The following PHGDH variants were observed in gnomAD, a reference collection of about 807,000 sequenced individuals.
PHGDH encodes the protein phosphoglycerate dehydrogenase, also known as D-3-phosphoglycerate dehydrogenase.
In PHGDH, 50 loss-of-function variants were observed where a neutral mutation model predicts 52.6. The ratio of observed to expected loss-of-function variants is 0.95; its 90% confidence interval spans 0.76 to 1.20. The LOEUF is 1.20. Among genes scored for constraint, PHGDH ranks in the 50% most tolerant of loss-of-function variants. The pLI, the probability that PHGDH is intolerant of heterozygous loss-of-function variation, is 0.00. For synonymous variants in PHGDH, 271 were observed against 280.5 expected (o/e 0.97, Z 0.34); for missense variants, 630 against 684.6 (o/e 0.92, Z 0.89).
At chr1:119,735,639 C>T (rs994884018) in intron 7 of PHGDH, among the ~76,000 whole-genome samples, 196 bp downstream of exon 7, 6 of 152,208 alleles carry the variant, frequency 3.9e-5, no homozygotes, top group African/African-American at 7.2e-5. Context: ...GGTATGGAGG[C>T]AGCTATGTGG....
intron 10 of PHGDH, chr1:119,742,302 G>A (rs1055201575): frequency 8.4e-6 from 3 of 358,582 alleles, no homozygotes; most frequent in Non-Finnish European, 1.1e-5. Context: ...TGCCTTGCAC[G>A]GCTTCCCGTT....
At chr1:119,738,823 G>A (rs1652060018) in intron 8 of PHGDH, among the ~76,000 whole-genome samples, 1 of 152,050 alleles carries the variant, frequency 6.6e-6, no homozygotes, top group Non-Finnish European at 1.5e-5. Context: ...GGAGGAGGGG[G>A]TGAGAGGTGT....
rs1359899920 is a variant in PHGDH at position 119,735,235 on chromosome 1, A to C, written c.644-60A>C. On this transcript the variant is annotated intron_variant, in intron 6 of 11. Transcript: ENST00000641023. ...AGGAAAGGGAAGACCTCTGGAAGCCAGGGATGAGCGTGGGGATCCTGGTGC... is the reference window on the plus strand; with the variant it reads ...AGGAAAGGGAAGACCTCTGGAAGCCCGGGATGAGCGTGGGGATCCTGGTGC... 2.5e-6 allele frequency: 4 copies of C among 1,610,230 alleles called. No individual in the cohort carries two copies. In the South Asian group the frequency reaches 4.4e-5, roughly 18 times the overall value.
Position 119,742,912 on chromosome 1 carries a change from C to T in PHGDH, c.1315C>T (p.Gln439Ter). The change falls in exon 11 of 12, where the codon CAA becomes TAA. Residue 439 changes from glutamine (Q) to a stop codon, truncating the protein, a stop_gained. Coordinates refer to ENST00000641023, the MANE Select transcript of PHGDH (RefSeq NM_006623.4). LOFTEE classifies it high-confidence loss of function. ...GAPYQAVGLV[Q>*]GTTPVLQGLN... ...CCCTTACCAGGCTGTGGGCTTGGTC[C>T]AAGGCACTACGCCTGTACTGCAGGG... 6.2e-7 allele frequency: 1 copy of T among 1,613,810 alleles called. No homozygotes were observed. Among genetic ancestry groups the T allele is most frequent in the South Asian group, 1.1e-5 (1 of 91,074 alleles).
At chr1:119,731,163 G>A (rs1651673072) in intron 5 of PHGDH, among the ~76,000 whole-genome samples, 1 of 152,200 alleles carries the variant, frequency 6.6e-6, no homozygotes, top group Non-Finnish European at 1.5e-5. Context: ...AAGGTAACCT[G>A]ACATTTGGCA....
Position 119,742,922 on chromosome 1 carries a change from C to T in PHGDH, c.1325C>T (p.Thr442Met), listed in dbSNP as rs868576068. Reference sequence around the variant, plus strand: ...GCTGTGGGCTTGGTCCAAGGCACTACGCCTGTACTGCAGGGGCTCAATGGA... The same window carrying T: ...GCTGTGGGCTTGGTCCAAGGCACTATGCCTGTACTGCAGGGGCTCAATGGA... Reference protein sequence around the residue: ...YQAVGLVQGTTPVLQGLNGAV... With the variant: ...YQAVGLVQGTMPVLQGLNGAV... Residue 442 changes from threonine to methionine, a missense_variant, in exon 11 of 12, where the codon ACG (threonine) becomes ATG (methionine). By Grantham distance (81) the Thr-to-Met change is moderately conservative. Transcript: ENST00000641023. The T allele has an allele frequency of 5.0e-6, 8 of 1,613,762 alleles. No individual in the cohort carries two copies. The highest frequency in any genetic ancestry group is 1.3e-5 in the African/African-American group (1 of 75,060).
chr1:119,743,682 A>G (rs1652314233), intron 11 of PHGDH, among the ~76,000 whole-genome samples: 1 of 152,220 alleles, frequency 6.6e-6, no homozygotes, highest in Non-Finnish European at 1.5e-5. Flanking sequence ...GCTGATGGTC[A>G]TGGTGTTCCC....
chr1:119,730,191 A>T (rs912913616), intron 5 of PHGDH: 1 of 152,190 alleles, frequency 6.6e-6, no homozygotes, highest in Non-Finnish European at 1.5e-5. Flanking sequence ...ATTCTTGAAC[A>T]TATTGTGAAA....
chr1:119,735,181 GAGAGAGGCTCTGGGAA>G, intron 6 of PHGDH, 98 bp from the exon 7 acceptor site: 3 of 1,386,928 alleles, frequency 2.2e-6, no homozygotes, highest in Non-Finnish European at 3.1e-6. Flanking sequence ...CGTCCAGCAG[GAGAGAGGCTCTGGGAA>G]AGAGCTGGCT....
At chr1:119,712,668 G>C (rs1459184471) in intron 1 of PHGDH, 2 of 188,920 alleles carry the variant, frequency 1.1e-5, no homozygotes, top group African/African-American at 4.8e-5. Context: ...CTGCCTTGGC[G>C]GTGGCGGGGT....
rs190359468 is a variant in PHGDH, at chr1:119,723,201, T to G, written c.291-175T>G. The stretch of plus-strand genomic sequence containing the variant: ...AACATAAAGCCAGGGGAAGGGGGTT[T>G]CTTTCCAGCCCTTGGCTTAGGGCGA... On this transcript the variant is annotated intron_variant, in intron 2 of 11. Coordinates refer to ENST00000641023, the MANE Select transcript of PHGDH (RefSeq NM_006623.4). 4.6e-5 allele frequency among the ~76,000 whole-genome samples: 7 copies of G among 152,288 alleles called. No homozygotes were observed. In the East Asian group the frequency reaches 1.4e-3, roughly 29 times the overall value.
chr1:119,740,131 C>T, intron 8 of PHGDH: 1 of 503,336 alleles, frequency 2.0e-6, no homozygotes, highest in Non-Finnish European at 3.6e-6. Context: ...GGGGCAGACA[C>T]AGTTTGCTGA....
rs745693493 is a variant in PHGDH at position 119,712,142 on chromosome 1, G to T, written c.120G>T (p.Glu40Asp). 7 of 1,614,132 alleles carry T rather than the reference G, an allele frequency of 4.3e-6. No individual in the cohort carries two copies. In the South Asian group the frequency reaches 7.7e-5, roughly 18 times the overall value. ...AAAAGCAGAACCTTAGCAAAGAGGA[G>T]CTGATAGCGGAGCTGCAGGTAAGGC... ...VVEKQNLSKE[E>D]LIAELQDCEG... is the part of the protein sequence containing the mutation. Residue 40 changes from glutamate (E) to aspartate (D), a missense_variant, in exon 1 of 12, where the codon GAG becomes GAT. Transcript: ENST00000641023.
Position 119,734,718 on chromosome 1 carries a change from C to G in PHGDH, c.595C>G (p.Leu199Val), listed in dbSNP as rs77632964. Residue 199 changes from leucine to valine, a missense_variant, in exon 6 of 12, where the codon CTC (leucine) becomes GTC (valine). By Grantham distance (32) the Leu-to-Val change is conservative. Transcript: ENST00000641023. ...GCTGCCCCTGGAGGAGATCTGGCCT[C>G]TCTGTGATTTCATCACTGTGCACAC... ...QQLPLEEIWP[L>V]CDFITVHTPL... 1,763 of 1,614,162 alleles carry G rather than the reference C, an allele frequency of 1.1e-3. 22 individuals carry two copies. In the African/African-American group the frequency reaches 0.021, roughly 20 times the overall value.
Position 119,742,794 on chromosome 1 carries a change from C to T in PHGDH, c.1210-13C>T. On this transcript the variant is annotated splice_polypyrimidine_tract_variant and intron_variant, in intron 10 of 11. Coordinates refer to ENST00000641023, the MANE Select transcript of PHGDH (RefSeq NM_006623.4). ...CCAGGAGGTGTAACAGTCACCTTGCCTTCTCCACACAGGTCACCACCTCCC... is the reference window on the plus strand; with the variant it reads ...CCAGGAGGTGTAACAGTCACCTTGCTTTCTCCACACAGGTCACCACCTCCC... The T allele has an allele frequency of 6.4e-7, 1 of 1,550,606 alleles. No individual in the cohort carries two copies. The highest frequency in any genetic ancestry group is 1.8e-5 in the Admixed American group (1 of 56,902).
intron 10 of PHGDH, chr1:119,742,449 G>T (rs1047978722): frequency 2.2e-6 from 1 of 453,604 alleles, no homozygotes; most frequent in Non-Finnish European, 4.1e-6. Flanking sequence ...ACTCCTGCAT[G>T]CCAGTCATGC....
chr1:119,723,778 C>T (rs1360438073), intron 3 of PHGDH, among the ~76,000 whole-genome samples: 1 of 151,686 alleles, frequency 6.6e-6, no homozygotes, highest in East Asian at 2.0e-4. Flanking sequence ...TTCCAGGCAG[C>T]AGGGTATGGA....
At position 119,740,521 on chromosome 1, in the gene PHGDH, G is replaced by A. The variant is rs755057495; in HGVS notation, c.1078+3G>A. On this transcript the variant is annotated splice_donor_region_variant and intron_variant, in intron 9 of 11. Coordinates refer to ENST00000641023, the MANE Select transcript of PHGDH (RefSeq NM_006623.4). ...GACCATCCAGGTGATAACACAGGGT[G>A]AGCTGGGGACCTTGCAGAGGGAGGG... 3.4e-5 allele frequency: 54 copies of A among 1,565,542 alleles called. No individual in the cohort carries two copies. The highest frequency in any genetic ancestry group is 4.5e-5 in the Non-Finnish European group (52 of 1,154,218).
intron 5 of PHGDH, among the ~76,000 whole-genome samples, chr1:119,729,175 G>A (rs1182377096): frequency 6.6e-6 from 1 of 152,174 alleles, no homozygotes; most frequent in Admixed American, 6.5e-5. Context: ...ACTCCTGAGA[G>A]AGGCAGATGT....
Sources: gnomAD v4.1 joint callset for allele counts (sites outside exome capture counted in the v4.1 genomes callset) on GRCh38, gnomAD v4.1.1 for gene constraint, MANE v1.5 for transcripts, NCBI Gene and HGNC (gene_info 2026-07-23, HGNC 2026-07-21) for gene names.